TRAPPC11: variants seen among roughly 807,000 people sequenced by gnomAD.
TRAPPC11 encodes trafficking protein particle complex subunit 11.
A neutral mutation model predicts 151.2 loss-of-function variants in TRAPPC11; 104 were observed. The observed-to-expected ratio is 0.69, with a 90% confidence interval of 0.59 to 0.81. The LOEUF (loss-of-function observed/expected upper bound fraction) is 0.81. Among genes scored for constraint, TRAPPC11 ranks in the 30% least tolerant of loss-of-function variants. The probability of loss-of-function intolerance (pLI) is 0.00; values close to 1 mark genes in which losing one functional copy is unlikely to be tolerated. For missense variants in TRAPPC11, 1,230 were observed against 1,349.6 expected, an observed-to-expected ratio of 0.91 and a Z score of 1.39; for synonymous variants, 456 against 472.3, an observed-to-expected ratio of 0.97 and a Z score of 0.45.
chr4:183,674,147 CCTGTGAT>C (rs1415107203), intron 5 of TRAPPC11, among the ~76,000 whole-genome samples: 1 of 152,130 alleles, frequency 6.6e-6, no homozygotes, highest in Non-Finnish European at 1.5e-5. Flanking sequence ...GTGGCTCACA[CCTGTGAT>C]CCTAATCCCA....
chr4:183,685,800 T>C (rs1463248607), intron 17 of TRAPPC11, among the ~76,000 whole-genome samples: 2 of 152,118 alleles, frequency 1.3e-5, no homozygotes, highest in Non-Finnish European at 2.9e-5. Context: ...GTAATTTATT[T>C]AAATTTTATT....
In TRAPPC11 at chr4:183,677,452, A is replaced by G. The variant is rs1157036883; in HGVS notation, c.735-6A>G. On this transcript the variant is annotated splice_polypyrimidine_tract_variant and splice_region_variant and intron_variant, in intron 7 of 29. Transcript: ENST00000334690. ...ATTTATATCATTAACCACCCTCCTC[A>G]TTTAGGAATTATAGGACCGCCTATA... 6.5e-7 allele frequency: 1 copy of G among 1,550,380 alleles called. No individual in the cohort carries two copies. Among genetic ancestry groups the G allele is most frequent in the Non-Finnish European group, 8.9e-7 (1 of 1,126,948 alleles).
chr4:183,673,453 C>T (rs776535092), intron 5 of TRAPPC11, among the ~76,000 whole-genome samples: 53 of 152,080 alleles, frequency 3.5e-4, no homozygotes, highest in Non-Finnish European at 6.5e-4. Flanking sequence ...GCATTTGGAT[C>T]GTTTAAGTCC....
intron 29 of TRAPPC11, among the ~76,000 whole-genome samples, chr4:183,710,326 G>T (rs1169709444): frequency 1.3e-5 from 2 of 150,712 alleles, no homozygotes; most frequent in Non-Finnish European, 2.9e-5. Flanking sequence ...TTGCTCTGTT[G>T]CCCAGGCTGG....
intron 18 of TRAPPC11, among the ~76,000 whole-genome samples, chr4:183,687,969 G>A (rs2111380482): frequency 6.6e-6 from 1 of 152,104 alleles, no homozygotes; most frequent in East Asian, 1.9e-4. Context: ...TATATTTGAA[G>A]CATTATATAG....
intron 27 of TRAPPC11, chr4:183,706,133 AT>A (rs994412517): frequency 2.4e-4 from 37 of 152,340 alleles, no homozygotes; most frequent in African/African-American, 8.7e-4. Flanking sequence ...AAATGAATGA[AT>A]GAAAGTTTTA....
intron 1 of TRAPPC11, among the ~76,000 whole-genome samples, chr4:183,661,500 T>G (rs1221825644): frequency 6.7e-6 from 1 of 149,568 alleles, no homozygotes; most frequent in Admixed American, 6.9e-5. Flanking sequence ...GCCTCCCGAG[T>G]AGCTGGGACT....
chr4:183,702,339 GT>G (rs1736840871), intron 26 of TRAPPC11, among the ~76,000 whole-genome samples: 1 of 135,232 alleles, frequency 7.4e-6, no homozygotes, highest in South Asian at 2.3e-4. Flanking sequence ...GCGAGACCCT[GT>G]TTAAAAAAAA....
At chr4:183,682,487 G>T (rs1381297323) in intron 10 of TRAPPC11, among the ~76,000 whole-genome samples, 1 of 152,164 alleles carries the variant, frequency 6.6e-6, no homozygotes, top group Non-Finnish European at 1.5e-5. Context: ...GATTAAAAAA[G>T]TGAAGAAATT....
chr4:183,686,221 C>T (rs1490662179), intron 17 of TRAPPC11, among the ~76,000 whole-genome samples: 1 of 152,186 alleles, frequency 6.6e-6, no homozygotes, highest in East Asian at 1.9e-4. Context: ...ACCACAACCT[C>T]CACCTCCTGG....
At chr4:183,666,853 A>G in intron 3 of TRAPPC11, 3 of 483,448 alleles carry the variant, frequency 6.2e-6, no homozygotes, top group Non-Finnish European at 1.1e-5. Context: ...AAGATTTTTA[A>G]GATTAGAAGA....
In TRAPPC11 at chr4:183,706,825, G is replaced by A. The variant is rs374203755; in HGVS notation, c.3074G>A (p.Arg1025His). The A allele has an allele frequency of 3.2e-5, 51 of 1,613,354 alleles. No individual in the cohort carries two copies. The highest frequency in any genetic ancestry group is 1.1e-4 in the South Asian group (10 of 90,980). Residue 1025 changes from arginine (R) to histidine (H), a missense_variant, in exon 28 of 30, where the codon CGT becomes CAT. Transcript: ENST00000334690. ...HVNADLPSFGRVRESLPVKYH... is the reference protein window; with the variant it reads ...HVNADLPSFGHVRESLPVKYH... Reference sequence around the variant, plus strand: ...TCTGTAGATCTGCCGTCATTTGGGCGTGTCAGAGAGTCGTTACCTGTCAAG... The same window carrying A: ...TCTGTAGATCTGCCGTCATTTGGGCATGTCAGAGAGTCGTTACCTGTCAAG...
At position 183,675,173 on chromosome 4, in the gene TRAPPC11, G is replaced by A; in HGVS notation, c.670G>A (p.Val224Ile). 6.6e-7 allele frequency: 1 copy of A among 1,508,376 alleles called. No homozygotes were observed. Among genetic ancestry groups the A allele is most frequent in the Non-Finnish European group, 8.9e-7 (1 of 1,125,292 alleles). 93.4% of individuals were successfully genotyped at this position (1,508,376 alleles called of 1,614,324 possible). A position where few individuals can be genotyped will look rare whatever the true frequency, so the allele number is the denominator to read the frequency against. ...LNKTTHQLLF[V>I]RHQFKIAFFS... ...TTTTGTCTCTTTTTAGCTTTTATTT[G>A]TTAGGCATCAGTTCAAAATAGCTTT... The change falls in exon 7 of 30, where the codon GTT (valine) becomes ATT (isoleucine). Residue 224 changes from valine (V) to isoleucine (I), a missense_variant. By Grantham distance (29) the Val-to-Ile change is conservative. Transcript: ENST00000334690.
chr4:183,680,020 AAC>A lies in TRAPPC11; in HGVS notation c.966-96_966-95del, dbSNP rs997115520. On this transcript the variant is annotated intron_variant, in intron 9 of 29. Transcript: ENST00000334690. ...AACTGTTCATCAATAGCACCATTTT[AAC>A]ACAGTCTGCTGAGGTTAAGTTTCCC... 27 of 956,674 alleles carry A rather than the reference AAC, an allele frequency of 2.8e-5. No individual in the cohort carries two copies. The African/African-American group carries it at 4.2e-4, about 15-fold the overall frequency. 59.3% of individuals were successfully genotyped at this position (956,674 alleles called of 1,614,324 possible).
In TRAPPC11 at chr4:183,677,486, C is replaced by T. The variant is rs1237348034; in HGVS notation, c.763C>T (p.His255Tyr). The T allele has an allele frequency of 1.9e-5, 30 of 1,608,148 alleles. No homozygotes were observed. In the East Asian group the frequency reaches 6.7e-4, roughly 36 times the overall value. ...TTATAGGACCGCCTATAATCTTGTA[C>T]ACGAATTGAGAGCCCATGAAACTAA... ...KNYRTAYNLV[H>Y]ELRAHETNIL... is the part of the protein sequence containing the mutation. Residue 255 changes from histidine (H) to tyrosine (Y), a missense_variant, in exon 8 of 30, where the codon CAC becomes TAC. By Grantham distance (83) the His-to-Tyr change is moderately conservative. Transcript: ENST00000334690.
intron 18 of TRAPPC11, among the ~76,000 whole-genome samples, chr4:183,687,801 T>C (rs1284130039): frequency 6.6e-6 from 1 of 152,212 alleles, no homozygotes; most frequent in Non-Finnish European, 1.5e-5. Flanking sequence ...ATGGAATAGA[T>C]GGATATAATG....
intron 29 of TRAPPC11, among the ~76,000 whole-genome samples, chr4:183,710,422 G>A (rs1737284807): frequency 6.6e-6 from 1 of 151,854 alleles, no homozygotes; most frequent in Non-Finnish European, 1.5e-5. Context: ...GAGTAGCTGG[G>A]ACTACAAGCG....
chr4:183,693,787 A>G (rs1736386214), intron 21 of TRAPPC11, 50 bp downstream of exon 21: 1 of 1,605,142 alleles, frequency 6.2e-7, no homozygotes, highest in East Asian at 2.2e-5. Flanking sequence ...AACATTAAAT[A>G]AGCATCAGTG....
chr4:183,704,828 AAATAAT>A (rs958137733), intron 26 of TRAPPC11, 145 bp from the exon 27 acceptor site: 22 of 307,794 alleles, frequency 7.1e-5, no homozygotes, highest in Non-Finnish European at 1.1e-4. Flanking sequence ...AATAATAATA[AAATAAT>A]AATAATAATA....
Sources: allele counts gnomAD v4.1 joint callset (sites outside exome capture counted in the v4.1 genomes callset), GRCh38; gene constraint gnomAD v4.1.1; transcripts MANE v1.5; gene names NCBI Gene and HGNC (gene_info 2026-07-23, HGNC 2026-07-21).